The following ATP9B variants were observed in gnomAD, a reference collection of about 807,000 sequenced individuals.
The protein encoded by ATP9B is probable phospholipid-transporting ATPase IIB.
In ATP9B, 110 loss-of-function variants were observed where a neutral mutation model predicts 146.1. The observed-to-expected ratio is 0.75, with a 90% CI of 0.65 to 0.88. ATP9B has a LOEUF of 0.88. Ranked by LOEUF, ATP9B falls within the 40% of genes least tolerant of loss-of-function variation. The pLI is 0.00. For missense variants in ATP9B, 1,499 were observed against 1,496.4 expected, an observed-to-expected ratio of 1.00 and a Z score of -0.03; for synonymous variants, 604 against 569.7, an observed-to-expected ratio of 1.06 and a Z score of -0.86.
intron 12 of ATP9B, among the ~76,000 whole-genome samples, chr18:79,267,406 CTA>C (rs2096214121): frequency 6.6e-6 from 1 of 151,884 alleles, no homozygotes; most frequent in African/African-American, 2.4e-5. Context: ...TATTATTTTC[CTA>C]TTTCATTAAT....
At chr18:79,344,626 C>G (rs893888460) in intron 21 of ATP9B, among the ~76,000 whole-genome samples, 1 of 152,250 alleles carries the variant, frequency 6.6e-6, no homozygotes, top group African/African-American at 2.4e-5. Context: ...GCAGCGGTAT[C>G]TGCCGCTCTG....
intron 13 of ATP9B, among the ~76,000 whole-genome samples, chr18:79,285,022 G>A (rs892644237): frequency 6.6e-6 from 1 of 151,788 alleles, no homozygotes; most frequent in African/African-American, 2.4e-5. Flanking sequence ...GTCTATCATT[G>A]TTGGACATTT....
intron 13 of ATP9B, among the ~76,000 whole-genome samples, chr18:79,285,091 G>A (rs556174910): frequency 6.6e-6 from 1 of 151,494 alleles, no homozygotes; most frequent in Admixed American, 6.6e-5. Context: ...ACGTGTGCAT[G>A]TGTCTTTATA....
At chr18:79,312,186 A>G (rs2096656469) in intron 15 of ATP9B, among the ~76,000 whole-genome samples, 1 of 152,070 alleles carries the variant, frequency 6.6e-6, no homozygotes, top group African/African-American at 2.4e-5. Context: ...TGCCCCATCC[A>G]AATGCTCTTC....
At chr18:79,108,969 C>T (rs981574009) in intron 2 of ATP9B, among the ~76,000 whole-genome samples, 4 of 152,128 alleles carry the variant, frequency 2.6e-5, no homozygotes, top group South Asian at 2.1e-4. Context: ...GAGAGCATTA[C>T]GATTATATAG....
chr18:79,121,268 C>T (rs910741448), intron 4 of ATP9B, among the ~76,000 whole-genome samples: 1 of 152,236 alleles, frequency 6.6e-6, no homozygotes, highest in African/African-American at 2.4e-5. Context: ...AGGCTGTGGA[C>T]AAGCCACGTG....
At chr18:79,075,474 A>AT (rs1274581938) in intron 1 of ATP9B, among the ~76,000 whole-genome samples, 1 of 151,972 alleles carries the variant, frequency 6.6e-6, no homozygotes, top group Non-Finnish European at 1.5e-5. Flanking sequence ...TGTTTCACAT[A>AT]TTTTGCAGGT....
At chr18:79,151,595 A>G (rs548908023) in intron 6 of ATP9B, among the ~76,000 whole-genome samples, 42 of 152,332 alleles carry the variant, frequency 2.8e-4, no homozygotes, top group Admixed American at 2.1e-3. Context: ...CAGTTCCGCT[A>G]TGGTAGACCC....
chr18:79,202,943 T>C (rs2095501932), intron 9 of ATP9B, among the ~76,000 whole-genome samples: 1 of 152,240 alleles, frequency 6.6e-6, no homozygotes, highest in Admixed American at 6.5e-5. Flanking sequence ...TTTAATGCCC[T>C]TATTCTCTTG....
chr18:79,117,007 A>T (rs1211411517), intron 4 of ATP9B, among the ~76,000 whole-genome samples: 4 of 150,718 alleles, frequency 2.7e-5, no homozygotes, highest in African/African-American at 9.9e-5. Context: ...TAAATATTTT[A>T]AAAAGTCGAA....
intron 14 of ATP9B, among the ~76,000 whole-genome samples, chr18:79,304,738 T>C (rs2096611448): frequency 6.6e-6 from 1 of 152,186 alleles, no homozygotes; most frequent in Non-Finnish European, 1.5e-5. Flanking sequence ...GAGTGTTTCC[T>C]TGTCATTCAT....
intron 13 of ATP9B, among the ~76,000 whole-genome samples, chr18:79,292,283 G>C (rs2096512681): frequency 6.6e-6 from 1 of 152,206 alleles, no homozygotes; most frequent in Admixed American, 6.5e-5. Context: ...CTGTATGTGT[G>C]ACATGGTCAT....
At chr18:79,371,261 A>G (rs1037483722) in intron 26 of ATP9B, among the ~76,000 whole-genome samples, 2 of 151,454 alleles carry the variant, frequency 1.3e-5, no homozygotes, top group Non-Finnish European at 2.9e-5. Context: ...AGTCCCAGCT[A>G]CTTGGGAGGC....
intron 11 of ATP9B, among the ~76,000 whole-genome samples, chr18:79,238,233 G>T (rs958507934): frequency 4.0e-5 from 6 of 151,410 alleles, no homozygotes; most frequent in Non-Finnish European, 5.9e-5. Flanking sequence ...GACTGGATAA[G>T]TGATCCTTTT....
chr18:79,185,163 G>A lies in ATP9B; in HGVS notation c.874-8020G>A, dbSNP rs375170967. ...AAAATGTTCAGTATCTTGAGGTGGTGGTGGTCACAGGCATACACATATATC... is the reference window on the plus strand; with the variant it reads ...AAAATGTTCAGTATCTTGAGGTGGTAGTGGTCACAGGCATACACATATATC... On this transcript the variant is annotated intron_variant, in intron 8 of 29. Coordinates refer to ENST00000426216, the MANE Select transcript of ATP9B (RefSeq NM_198531.5). Among the ~76,000 whole-genome samples the A allele has an allele frequency of 2.0e-5, 3 of 152,078 alleles. No individual in the cohort carries two copies. The East Asian group carries it at 5.8e-4, about 29-fold the overall frequency.
intron 2 of ATP9B, among the ~76,000 whole-genome samples, chr18:79,103,057 G>A (rs2075394322): frequency 6.6e-6 from 1 of 152,148 alleles, no homozygotes; most frequent in African/African-American, 2.4e-5. Flanking sequence ...CATGCCATCT[G>A]CAGATAGCAG....
intron 1 of ATP9B, among the ~76,000 whole-genome samples, chr18:79,073,662 G>T (rs2072253205): frequency 6.6e-6 from 1 of 152,124 alleles, no homozygotes; most frequent in Admixed American, 6.5e-5. Flanking sequence ...GAAAGCGGGA[G>T]ACGGAGACGA....
intron 14 of ATP9B, among the ~76,000 whole-genome samples, chr18:79,306,744 T>C (rs2885289): frequency 0.42 from 63,904 of 152,038 alleles, 13,594 homozygotes; most frequent in Middle Eastern, 0.56. Flanking sequence ...TTGTCAGATT[T>C]TTAAGTAGTA....
chr18:79,321,636 G>C (rs150413759), intron 15 of ATP9B, among the ~76,000 whole-genome samples: 2 of 152,128 alleles, frequency 1.3e-5, no homozygotes. Flanking sequence ...TGAAAAATTT[G>C]GATATTCTTT....
Sources: gnomAD v4.1 joint callset for allele counts (sites outside exome capture counted in the v4.1 genomes callset) on GRCh38, gnomAD v4.1.1 for gene constraint, MANE v1.5 for transcripts, NCBI Gene and HGNC (gene_info 2026-07-23, HGNC 2026-07-21) for gene names.